The following FYB2 variants were observed in gnomAD, a reference collection of about 807,000 sequenced individuals.
FYB2 encodes the protein FYN-binding protein 2.
A neutral mutation model predicts 94.1 loss-of-function variants in FYB2; 103 were observed. The observed-to-expected ratio is 1.09, with a 90% CI of 0.93 to 1.29. The LOEUF (loss-of-function observed/expected upper bound fraction) is 1.29. FYB2 is among the 50% of genes most tolerant of loss of function. The probability of loss-of-function intolerance (pLI) is 0.00; values close to 1 mark genes in which losing one functional copy is unlikely to be tolerated. For synonymous variants in FYB2, 293 were observed against 287.9 expected (o/e 1.02, Z -0.18); for missense variants, 896 against 841.5 (o/e 1.06, Z -0.80).
chr1:56,799,989 A>G (rs192720756), intron 1 of FYB2, among the ~76,000 whole-genome samples: 1 of 152,344 alleles, frequency 6.6e-6, no homozygotes, highest in Admixed American at 6.5e-5. Context: ...CTAATTGGAA[A>G]ATAAAGGTTA....
Position 56,800,250 on chromosome 1 carries a change from C to T in FYB2, c.10-7447G>A, listed in dbSNP as rs1012896209. ...ATCTAAGATGGAAAGAAGTAGAAGT[C>T]GATTAAATATAGCATCTGAGTCACC... On this transcript the variant is annotated intron_variant, in intron 1 of 19. Coordinates refer to ENST00000343433, the MANE Select transcript of FYB2 (RefSeq NM_001004303.5). 7.2e-5 allele frequency among the ~76,000 whole-genome samples: 11 copies of T among 152,052 alleles called. 1 individual carries two copies. The highest frequency in any genetic ancestry group is 7.2e-4 in the Admixed American group (11 of 15,264).
At chr1:56,740,577 G>A in intron 13 of FYB2, 120 bp downstream of exon 13, 1 of 558,726 alleles carries the variant, frequency 1.8e-6, no homozygotes, top group African/African-American at 1.9e-5. Context: ...ATGATGGCCA[G>A]ACCCTTGGTT....
At chr1:56,800,952 A>C (rs1646505786) in intron 1 of FYB2, among the ~76,000 whole-genome samples, 1 of 152,142 alleles carries the variant, frequency 6.6e-6, no homozygotes, top group Admixed American at 6.5e-5. Flanking sequence ...CCCCTAAAAC[A>C]TCAGGCCAGT....
intron 1 of FYB2, among the ~76,000 whole-genome samples, chr1:56,802,606 T>C (rs1302959259): frequency 6.6e-6 from 1 of 152,012 alleles, no homozygotes; most frequent in Non-Finnish European, 1.5e-5. Flanking sequence ...GAGTAAAAAT[T>C]GAGTTGAGCA....
intron 5 of FYB2, among the ~76,000 whole-genome samples, chr1:56,762,445 G>A (rs541812504): frequency 2.0e-5 from 3 of 152,110 alleles, no homozygotes; most frequent in African/African-American, 7.2e-5. Flanking sequence ...GCCTTATCAT[G>A]CTTTGTAGGA....
chr1:56,793,904 C>T (rs1327229907), intron 1 of FYB2, among the ~76,000 whole-genome samples: 1 of 152,114 alleles, frequency 6.6e-6, no homozygotes, highest in Non-Finnish European at 1.5e-5. Flanking sequence ...CTTATGTTCA[C>T]ATGAAGACTC....
rs1371918076 is a variant in FYB2, at chr1:56,788,992, A to G, written c.900T>C (p.Val300=). 12 of 1,613,834 alleles carry G rather than the reference A, an allele frequency of 7.4e-6. No homozygotes were observed. Among genetic ancestry groups the G allele is most frequent in the African/African-American group, 1.3e-5 (1 of 74,866 alleles). Residue 300 remains valine, a synonymous_variant, in exon 3 of 20, where the codon GTT becomes GTC. Transcript: ENST00000343433. ...CCTTACCTTCCCCCTGAGTCTTGGG[A>G]ACAGCAGCTGGCTGCCTCTGAAAGG... ...LQAFQRQPAA[V]PKTQGEVTVE... is the part of the protein sequence containing the mutation.
chr1:56,817,915 C>A (rs563897348), intron 1 of FYB2, among the ~76,000 whole-genome samples: 38 of 152,280 alleles, frequency 2.5e-4, no homozygotes, highest in African/African-American at 9.1e-4. Context: ...AAGCTCATGT[C>A]CCAGCTCTGC....
At position 56,808,997 on chromosome 1, in the gene FYB2, A is replaced by C. The variant is rs117795588; in HGVS notation, c.9+10285T>G. ...GTGCATCTATTATGTTGTTACACAC[A>C]CACATACACATATATAGATATAAAT... On this transcript the variant is annotated intron_variant, in intron 1 of 19. Coordinates refer to ENST00000343433, the MANE Select transcript of FYB2 (RefSeq NM_001004303.5). 4.9e-3 allele frequency among the ~76,000 whole-genome samples: 753 copies of C among 152,352 alleles called. 21 individuals are homozygous for C. The highest frequency in any genetic ancestry group is 0.019 in the East Asian group (99 of 5,186).
chr1:56,818,046 T>C (rs1646922933), intron 1 of FYB2, among the ~76,000 whole-genome samples: 1 of 152,310 alleles, frequency 6.6e-6, no homozygotes, highest in Non-Finnish European at 1.5e-5. Flanking sequence ...TGGATGCCAG[T>C]GCGGATCCTG....
upstream of FYB2, among the ~76,000 whole-genome samples, chr1:56,822,576 G>A (rs918558243): frequency 5.9e-5 from 9 of 152,166 alleles, no homozygotes; most frequent in South Asian, 2.1e-4. Flanking sequence ...CTGAGCAGCA[G>A]AAATCAGTAT....
Position 56,726,570 on chromosome 1 carries a change from G to A in FYB2, c.1807C>T (p.Leu603=). Residue 603 remains leucine (L), a synonymous_variant, in exon 16 of 20, where the codon CTG becomes TTG. Transcript: ENST00000343433. The part of the protein sequence containing the change: ...SEKESKDEDK[L]KMWKPKFLTP... Reference sequence around the variant, plus strand: ...AGAAACTTGGGCTTCCACATTTTCAGTTTATCTTCATCTCTGAGGAGAAAT... The same window carrying A: ...AGAAACTTGGGCTTCCACATTTTCAATTTATCTTCATCTCTGAGGAGAAAT... The A allele has an allele frequency of 6.2e-7, 1 of 1,610,442 alleles. No individual in the cohort carries two copies. The highest frequency in any genetic ancestry group is 8.5e-7 in the Non-Finnish European group (1 of 1,177,954).
chr1:56,720,578 CATT>C (rs956421586), intron 17 of FYB2: 10 of 282,390 alleles, frequency 3.5e-5, no homozygotes, highest in African/African-American at 2.2e-5. Flanking sequence ...TTTTCACAAC[CATT>C]ATTATTATTT....
chr1:56,793,926 C>T (rs1252974567), intron 1 of FYB2, among the ~76,000 whole-genome samples: 1 of 152,084 alleles, frequency 6.6e-6, no homozygotes, highest in African/African-American at 2.4e-5. Context: ...ACTCTTTATC[C>T]TCTAGGGAAA....
intron 5 of FYB2, among the ~76,000 whole-genome samples, chr1:56,765,024 G>C (rs1361930552): frequency 6.6e-6 from 1 of 152,166 alleles, no homozygotes; most frequent in African/African-American, 2.4e-5. Flanking sequence ...CATCGCATTG[G>C]GGGTAGGTTT....
At chr1:56,730,151 G>A (rs890295246) in intron 15 of FYB2, among the ~76,000 whole-genome samples, 2 of 151,284 alleles carry the variant, frequency 1.3e-5, no homozygotes, top group African/African-American at 2.4e-5. Flanking sequence ...CAAATCCAAA[G>A]TTAGTAGAAG....
chr1:56,798,291 G>C (rs1162292894), intron 1 of FYB2, among the ~76,000 whole-genome samples: 2 of 152,144 alleles, frequency 1.3e-5, no homozygotes, highest in Non-Finnish European at 2.9e-5. Flanking sequence ...AAATAGCCTG[G>C]TACTTTTGAT....
intron 5 of FYB2, among the ~76,000 whole-genome samples, chr1:56,760,001 C>G (rs1167728102): frequency 6.7e-6 from 1 of 150,158 alleles, no homozygotes; most frequent in Non-Finnish European, 1.5e-5. Flanking sequence ...ATTGCTTTAA[C>G]CAGGGAGGCA....
intron 15 of FYB2, among the ~76,000 whole-genome samples, chr1:56,733,691 A>G (rs1644764703): frequency 6.6e-6 from 1 of 152,102 alleles, no homozygotes; most frequent in Non-Finnish European, 1.5e-5. Flanking sequence ...ATTCAGAAAC[A>G]AGTTGTTCAG....
Sources: gnomAD v4.1 joint callset for allele counts (sites outside exome capture counted in the v4.1 genomes callset) on GRCh38, gnomAD v4.1.1 for gene constraint, MANE v1.5 for transcripts, NCBI Gene and HGNC (gene_info 2026-07-23, HGNC 2026-07-21) for gene names.